Variants in BPI observed in about 807,000 individuals in gnomAD.
The protein encoded by BPI is bactericidal permeability increasing protein.
Under a neutral mutation model 57.6 loss-of-function variants are expected in BPI, and 48 were observed. The ratio of observed to expected loss-of-function variants is 0.83; its 90% CI spans 0.66 to 1.06. The LOEUF (loss-of-function observed/expected upper bound fraction) is 1.06. Ranked by LOEUF, BPI falls within the 50% of genes least tolerant of loss-of-function variation. The pLI is 0.00. For synonymous variants in BPI, 237 were observed against 238.2 expected (o/e 0.99, Z 0.05); for missense variants, 651 against 609.7 (o/e 1.07, Z -0.71).
chr20:38,318,353 G>C, intron 5 of BPI, 60 bp from the exon 6 acceptor site: 1 of 1,529,138 alleles, frequency 6.5e-7, no homozygotes, highest in Non-Finnish European at 9.1e-7. Context: ...GCCCGTTATT[G>C]TCAAGGGACA....
intron 10 of BPI, 45 bp from the exon 11 acceptor site, chr20:38,327,543 G>T: frequency 6.2e-7 from 1 of 1,607,958 alleles, no homozygotes; most frequent in Non-Finnish European, 8.5e-7. Context: ...CTTGCAATCA[G>T]GTGCCTGGGT....
At chr20:38,314,889 T>G (rs552932642) in intron 5 of BPI, among the ~76,000 whole-genome samples, 5 of 151,538 alleles carry the variant, frequency 3.3e-5, no homozygotes, top group Admixed American at 2.6e-4. Context: ...ATGGTGAGAC[T>G]GATGATGGTG....
At chr20:38,307,481 G>T in intron 1 of BPI, 86 bp from the exon 2 acceptor site, 1 of 935,676 alleles carries the variant, frequency 1.1e-6, no homozygotes, top group Non-Finnish European at 1.6e-6. Context: ...CTACGAACAG[G>T]GGCCCAGGGT....
chr20:38,334,839 A>T (rs567369145), intron 13 of BPI, among the ~76,000 whole-genome samples: 2 of 152,218 alleles, frequency 1.3e-5, no homozygotes, highest in South Asian at 4.2e-4. Context: ...CATGGGTTTG[A>T]TCCTAGCAGT....
chr20:38,307,520 T>G (rs756172941), intron 1 of BPI, 47 bp from the exon 2 acceptor site: 9 of 1,443,160 alleles, frequency 6.2e-6, no homozygotes, highest in Non-Finnish European at 8.5e-6. Context: ...CTCTGTCCCC[T>G]GCTCCAGGCT....
chr20:38,315,098 T>C (rs1218302020), intron 5 of BPI, among the ~76,000 whole-genome samples: 1 of 152,150 alleles, frequency 6.6e-6, no homozygotes, highest in Non-Finnish European at 1.5e-5. Context: ...ACTTTTTCCA[T>C]GGATTCCAGC....
chr20:38,310,734 C>A, intron 4 of BPI, 82 bp downstream of exon 4: 2 of 1,525,304 alleles, frequency 1.3e-6, no homozygotes, highest in Non-Finnish European at 1.8e-6. Context: ...GAAAACACAT[C>A]CAGAGTGCCA....
rs377754916 is a variant in BPI, at chr20:38,323,302, T to C, written c.757-568T>C. On this transcript the variant is annotated intron_variant, in intron 7 of 14. Coordinates refer to ENST00000642449, the MANE Select transcript of BPI (RefSeq NM_001725.3). Reference sequence around the variant, plus strand: ...ATTTGCTAAATAAATGATCTGCTTTTGCAACATATTGCCAAATTGCTTTTC... The same window carrying C: ...ATTTGCTAAATAAATGATCTGCTTTCGCAACATATTGCCAAATTGCTTTTC... Among the ~76,000 whole-genome samples, 56 of 152,362 alleles carry C rather than the reference T, an allele frequency of 3.7e-4. No homozygotes were observed. The South Asian group carries it at 0.011, about 29-fold the overall frequency.
intron 7 of BPI, among the ~76,000 whole-genome samples, chr20:38,322,054 G>A (rs995704300): frequency 2.0e-5 from 3 of 152,136 alleles, no homozygotes; most frequent in African/African-American, 7.2e-5. Flanking sequence ...AACTCAACAC[G>A]TATCATAGGA....
At chr20:38,331,843 C>CAA (rs71644569) in intron 12 of BPI, among the ~76,000 whole-genome samples, 7 of 81,004 alleles carry the variant, frequency 8.6e-5, no homozygotes, top group African/African-American at 1.8e-4. Flanking sequence ...AATCTTGTCT[C>CAA]AAAAAAAAAA....
chr20:38,324,743 T>A, intron 8 of BPI, 31 bp from the exon 9 acceptor site: 6 of 1,579,604 alleles, frequency 3.8e-6, no homozygotes, highest in Non-Finnish European at 4.4e-6. Context: ...AACAGCATCC[T>A]CCGAGATCCT....
intron 1 of BPI, among the ~76,000 whole-genome samples, chr20:38,305,407 G>A (rs530922317): frequency 6.6e-6 from 1 of 152,260 alleles, no homozygotes; most frequent in South Asian, 2.1e-4. Context: ...GCCAATCGGA[G>A]TGAGTTTTCT....
rs538755347 is a variant in BPI at position 38,324,785 on chromosome 20, G to C, written c.945G>C (p.Glu315Asp). ...MTLRDDMIPK[E>D]SKFRLTTKFF... is the part of the protein sequence containing the mutation. ...ATCTCTTGCTACAGATTCCAAAGGA[G>C]TCCAAATTTCGACTGACAACCAAGT... Residue 315 changes from glutamate to aspartate, a missense_variant, in exon 9 of 15, where the codon GAG (glutamate) becomes GAC (aspartate). Transcript: ENST00000642449. The C allele has an allele frequency of 1.2e-6, 2 of 1,612,798 alleles. No homozygotes were observed. The highest frequency in any genetic ancestry group is 1.1e-5 in the South Asian group (1 of 91,050).
chr20:38,316,919 G>A (rs1406964273), intron 5 of BPI, among the ~76,000 whole-genome samples: 2 of 152,208 alleles, frequency 1.3e-5, no homozygotes, highest in African/African-American at 2.4e-5. Context: ...AGGGAGCCAG[G>A]AAGAAAGCCC....
intron 10 of BPI, among the ~76,000 whole-genome samples, chr20:38,326,899 T>C (rs1194134646): frequency 6.6e-6 from 1 of 152,268 alleles, no homozygotes; most frequent in East Asian, 1.9e-4. Context: ...CTTTGTTCAA[T>C]TGATCATTCA....
At chr20:38,321,579 T>A (rs1419412550) in intron 7 of BPI, 1 of 152,166 alleles carries the variant, frequency 6.6e-6, no homozygotes, top group Non-Finnish European at 1.5e-5. Context: ...CTGAAATTCA[T>A]CCTGGATTGT....
chr20:38,316,991 C>A (rs940707669), intron 5 of BPI, among the ~76,000 whole-genome samples: 19 of 152,226 alleles, frequency 1.2e-4, no homozygotes, highest in African/African-American at 4.6e-4. Flanking sequence ...GGGGAAAAGC[C>A]TGCAGGGGAT....
At chr20:38,310,813 G>A (rs1263151138) in intron 4 of BPI, among the ~76,000 whole-genome samples, 161 bp downstream of exon 4, 1 of 152,250 alleles carries the variant, frequency 6.6e-6, no homozygotes, top group African/African-American at 2.4e-5. Flanking sequence ...AGATGAACCA[G>A]ACACTGTCTC....
chr20:38,309,498 G>C (rs1455772012), intron 3 of BPI, among the ~76,000 whole-genome samples: 2 of 152,198 alleles, frequency 1.3e-5, no homozygotes, highest in East Asian at 1.9e-4. Flanking sequence ...CCTTGGACCA[G>C]TGGGTTATGC....
Sources: allele counts gnomAD v4.1 joint callset (sites outside exome capture counted in the v4.1 genomes callset), GRCh38; gene constraint gnomAD v4.1.1; transcripts MANE v1.5; gene names NCBI Gene and HGNC (gene_info 2026-07-23, HGNC 2026-07-21).